The following DLG2 variants were observed in gnomAD, a reference collection of about 807,000 sequenced individuals.
The protein encoded by DLG2 is discs large MAGUK scaffold protein 2.
In DLG2, 45 loss-of-function variants were observed where a neutral mutation model predicts 132.5. The ratio of observed to expected loss-of-function variants is 0.34; its 90% CI spans 0.27 to 0.44. The LOEUF is 0.44. Among genes scored for constraint, DLG2 ranks in the 20% least tolerant of loss-of-function variants. The probability of loss-of-function intolerance (pLI) is 1.00; values close to 1 mark genes in which losing one functional copy is unlikely to be tolerated. For missense variants in DLG2, 1,045 were observed against 1,196.9 expected (o/e 0.87, Z 1.87); for synonymous variants, 424 against 419.6 (o/e 1.01, Z -0.13).
chr11:84,704,874 C>CAT (rs1185944403), intron 6 of DLG2, among the ~76,000 whole-genome samples: 2 of 148,954 alleles, frequency 1.3e-5, no homozygotes, highest in East Asian at 2.0e-4. Context: ...CACACACACA[C>CAT]ATATATATAC....
rs570527643 is a variant in DLG2 at position 83,562,958 on chromosome 11, C to T, written c.1941-21100G>A. On this transcript the variant is annotated intron_variant, in intron 19 of 27. Transcript: ENST00000376104. The stretch of plus-strand genomic sequence containing the variant: ...GGCAGTAATGTTTCTGTTTTTGTTT[C>T]CCTAATTCTTTTTTTTTTTTTTTTT... Among the ~76,000 whole-genome samples the T allele has an allele frequency of 3.6e-4, 50 of 140,366 alleles. 2 individuals are homozygous for T. The South Asian group carries it at 0.011, about 30-fold the overall frequency. 92.1% of individuals were successfully genotyped at this position (140,366 alleles called of 152,430 possible).
intron 8 of DLG2, among the ~76,000 whole-genome samples, chr11:84,177,768 AGTAAATTAGT>A (rs2154276858): frequency 6.6e-6 from 1 of 152,298 alleles, no homozygotes; most frequent in Non-Finnish European, 1.5e-5. Flanking sequence ...TAAATGAACT[AGTAAATTAGT>A]GTAAATTAAT....
intron 4 of DLG2, among the ~76,000 whole-genome samples, chr11:85,174,786 A>C (rs2079104282): frequency 6.6e-6 from 1 of 152,172 alleles, no homozygotes; most frequent in African/African-American, 2.4e-5. Context: ...GGGGGATATC[A>C]CCGCTGACCC....
intron 21 of DLG2, among the ~76,000 whole-genome samples, chr11:83,509,872 T>C (rs1314035804): frequency 6.6e-6 from 1 of 152,082 alleles, no homozygotes; most frequent in Non-Finnish European, 1.5e-5. Context: ...ATCTCTTCAT[T>C]CATCAGTTAT....
At chr11:85,442,114 A>G (rs192150069) in intron 3 of DLG2, among the ~76,000 whole-genome samples, 2 of 152,368 alleles carry the variant, frequency 1.3e-5, no homozygotes, top group East Asian at 3.9e-4. Context: ...GGAAAGCTCC[A>G]TAGAGAATAT....
At chr11:84,472,893 A>T (rs1054024886) in intron 7 of DLG2, among the ~76,000 whole-genome samples, 1 of 152,080 alleles carries the variant, frequency 6.6e-6, no homozygotes, top group African/African-American at 2.4e-5. Flanking sequence ...AATATTTATC[A>T]TTATAGTTAC....
intron 6 of DLG2, among the ~76,000 whole-genome samples, chr11:84,860,221 T>G (rs1340090958): frequency 6.6e-6 from 1 of 152,148 alleles, no homozygotes; most frequent in Non-Finnish European, 1.5e-5. Flanking sequence ...CTCCTCAACC[T>G]CATAATTGTT....
intron 6 of DLG2, among the ~76,000 whole-genome samples, chr11:84,735,308 T>C (rs1372232917): frequency 6.6e-6 from 1 of 152,186 alleles, no homozygotes; most frequent in Non-Finnish European, 1.5e-5. Context: ...ATTGCCTCAA[T>C]TTCAGATTCT....
At chr11:83,881,378 C>G (rs567980240) in intron 15 of DLG2, among the ~76,000 whole-genome samples, 1 of 152,096 alleles carries the variant, frequency 6.6e-6, no homozygotes, top group Non-Finnish European at 1.5e-5. Context: ...TTTAATGGTA[C>G]CGATTTTGAT....
chr11:84,902,233 C>T (rs935964248), intron 6 of DLG2, among the ~76,000 whole-genome samples: 1 of 152,102 alleles, frequency 6.6e-6, no homozygotes, highest in Non-Finnish European at 1.5e-5. Context: ...TCCCAGATGG[C>T]AAATCCATGG....
chr11:85,466,013 T>G (rs868582832), intron 3 of DLG2, among the ~76,000 whole-genome samples: 1 of 152,168 alleles, frequency 6.6e-6, no homozygotes, highest in Admixed American at 6.5e-5. Context: ...TGGCGTGAGA[T>G]GGTATCTCAT....
At chr11:84,580,867 C>A (rs1239363200) in intron 6 of DLG2, among the ~76,000 whole-genome samples, 1 of 152,170 alleles carries the variant, frequency 6.6e-6, no homozygotes, top group African/African-American at 2.4e-5. Flanking sequence ...CTGGAAAATA[C>A]ACACGATAAA....
intron 18 of DLG2, among the ~76,000 whole-genome samples, chr11:83,640,759 T>C (rs562726871): frequency 1.3e-5 from 2 of 152,336 alleles, no homozygotes; most frequent in East Asian, 3.9e-4. Flanking sequence ...TCTTTTTAGA[T>C]GGTAACAGGA....
intron 3 of DLG2, among the ~76,000 whole-genome samples, chr11:85,317,751 C>G (rs978922828): frequency 6.6e-6 from 1 of 151,736 alleles, no homozygotes; most frequent in African/African-American, 2.4e-5. Context: ...ACACTGGGGC[C>G]TATTGGAGGA....
At chr11:85,565,816 T>A (rs2077498099) in intron 3 of DLG2, among the ~76,000 whole-genome samples, 1 of 152,148 alleles carries the variant, frequency 6.6e-6, no homozygotes, top group Non-Finnish European at 1.5e-5. Flanking sequence ...TGAACATTAG[T>A]TTACACATCT....
intron 14 of DLG2, among the ~76,000 whole-genome samples, 166 bp from the exon 15 acceptor site, chr11:83,930,649 AAGAC>A (rs2080007880): frequency 6.6e-6 from 1 of 152,216 alleles, no homozygotes; most frequent in African/African-American, 2.4e-5. Context: ...TCTTATAATA[AAGAC>A]TTTATTCCTC....
intron 18 of DLG2, among the ~76,000 whole-genome samples, chr11:83,701,682 A>G (rs1340506884): frequency 1.3e-5 from 2 of 152,252 alleles, no homozygotes; most frequent in Non-Finnish European, 2.9e-5. Flanking sequence ...AGAAGATGAT[A>G]CTTAATGAAA....
intron 6 of DLG2, among the ~76,000 whole-genome samples, chr11:85,038,520 G>T (rs1450032570): frequency 6.6e-6 from 1 of 151,908 alleles, no homozygotes; most frequent in Non-Finnish European, 1.5e-5. Context: ...TGACAATTAG[G>T]ATTCACATGT....
intron 6 of DLG2, among the ~76,000 whole-genome samples, chr11:84,977,836 G>C (rs761803399): frequency 6.6e-6 from 1 of 152,098 alleles, no homozygotes. Context: ...ATGGAGATTT[G>C]TATCATTTAC....
Sources: allele counts gnomAD v4.1 joint callset (sites outside exome capture counted in the v4.1 genomes callset), GRCh38; gene constraint gnomAD v4.1.1; transcripts MANE v1.5; gene names NCBI Gene and HGNC (gene_info 2026-07-23, HGNC 2026-07-21).